The following LCORL variants were observed in gnomAD, a reference collection of about 807,000 sequenced individuals.
The protein encoded by LCORL is ligand dependent nuclear receptor corepressor like.
Under a neutral mutation model 141.8 loss-of-function variants are expected in LCORL, and 41 were observed. The observed-to-expected ratio is 0.29, with a 90% CI of 0.23 to 0.38. The LOEUF (loss-of-function observed/expected upper bound fraction) is 0.38. LCORL is among the 10% of genes least tolerant of loss of function. LCORL has a pLI of 1.00. For missense variants in LCORL, 1,759 were observed against 2,035.0 expected (o/e 0.86, Z 2.61); for synonymous variants, 618 against 694.1 (o/e 0.89, Z 1.72).
intron 5 of LCORL, among the ~76,000 whole-genome samples, chr4:17,889,304 T>A (rs1728739526): frequency 6.6e-6 from 1 of 152,110 alleles, no homozygotes; most frequent in Non-Finnish European, 1.5e-5. Flanking sequence ...TGCTTTTATC[T>A]CTTCTTCATA....
chr4:17,982,671 C>T (rs1201180228), intron 1 of LCORL, among the ~76,000 whole-genome samples: 8 of 152,086 alleles, frequency 5.3e-5, no homozygotes, highest in African/African-American at 1.9e-4. Context: ...TGGAAATTAA[C>T]CTTTGTCAGA....
Position 18,004,198 on chromosome 4 carries a change from C to T in LCORL, c.154+17400G>A, listed in dbSNP as rs1009211187. Reference sequence around the variant, plus strand: ...TTTCAGTCTATATATACTGACTCCACCTACCACATATACTAAATGAAAATA... The same window carrying T: ...TTTCAGTCTATATATACTGACTCCATCTACCACATATACTAAATGAAAATA... On this transcript the variant is annotated intron_variant, in intron 1 of 7. Coordinates refer to ENST00000635767, the Ensembl canonical transcript of LCORL. Among the ~76,000 whole-genome samples the T allele has an allele frequency of 3.3e-5, 5 of 152,296 alleles. No individual in the cohort carries two copies. The East Asian group carries it at 7.7e-4, about 23-fold the overall frequency.
intron 7 of LCORL, among the ~76,000 whole-genome samples, chr4:17,863,014 C>T (rs1291985995): frequency 1.3e-5 from 2 of 152,142 alleles, no homozygotes; most frequent in Non-Finnish European, 2.9e-5. Flanking sequence ...AAACCAACCA[C>T]ATTAAAAAGT....
intron 4 of LCORL, among the ~76,000 whole-genome samples, chr4:17,954,461 A>G (rs557415890): frequency 3.5e-4 from 54 of 152,356 alleles, no homozygotes; most frequent in Middle Eastern, 6.8e-3. Context: ...GACCACATAG[A>G]GTCCTTGAGA....
chr4:17,981,646 G>A (rs972729164), intron 1 of LCORL, among the ~76,000 whole-genome samples: 1 of 152,028 alleles, frequency 6.6e-6, no homozygotes, highest in Non-Finnish European at 1.5e-5. Context: ...GCTGAAGTGC[G>A]AGGATCACCT....
intron 1 of LCORL, among the ~76,000 whole-genome samples, chr4:18,014,831 G>GT (rs1168165591): frequency 1.3e-5 from 2 of 152,242 alleles, no homozygotes; most frequent in Middle Eastern, 3.4e-3. Context: ...CTCTTATCTA[G>GT]ATTGCATTGT....
chr4:17,949,475 T>C (rs975949732), intron 4 of LCORL, among the ~76,000 whole-genome samples: 12 of 152,114 alleles, frequency 7.9e-5, no homozygotes, highest in African/African-American at 2.7e-4. Flanking sequence ...TAGATAATTG[T>C]GAGAGCCCTG....
At chr4:17,847,427 T>C (rs1477005825) in intron 7 of LCORL, among the ~76,000 whole-genome samples, 1 of 152,174 alleles carries the variant, frequency 6.6e-6, no homozygotes, top group African/African-American at 2.4e-5. Flanking sequence ...TTATATCCTG[T>C]TTTACCACCA....
intron 1 of LCORL, among the ~76,000 whole-genome samples, chr4:17,985,407 T>C (rs1718784688): frequency 6.6e-6 from 1 of 152,154 alleles, no homozygotes; most frequent in South Asian, 2.1e-4. Flanking sequence ...TCTAAGTATC[T>C]TAGTAGGTCT....
intron 1 of LCORL, among the ~76,000 whole-genome samples, chr4:17,981,638 T>A: frequency 6.6e-6 from 1 of 151,950 alleles, no homozygotes; most frequent in South Asian, 2.1e-4. Flanking sequence ...CTCAGGAGGC[T>A]GAAGTGCGAG....
chr4:17,992,869 A>C (rs1720264913), intron 1 of LCORL, among the ~76,000 whole-genome samples: 2 of 152,262 alleles, frequency 1.3e-5, no homozygotes, highest in South Asian at 4.1e-4. Context: ...TTTGCTATTA[A>C]GCACTGACTC....
At chr4:17,919,576 T>C (rs1733976823) in intron 4 of LCORL, among the ~76,000 whole-genome samples, 1 of 152,238 alleles carries the variant, frequency 6.6e-6, no homozygotes, top group Non-Finnish European at 1.5e-5. Flanking sequence ...AAAAGTTATG[T>C]TTACACTATA....
At chr4:17,980,840 T>C (rs1215825779) in intron 1 of LCORL, among the ~76,000 whole-genome samples, 2 of 152,098 alleles carry the variant, frequency 1.3e-5, no homozygotes, top group African/African-American at 4.8e-5. Flanking sequence ...TGAGCCCTAT[T>C]ATCAACTGTA....
chr4:17,863,200 C>T (rs538155514), intron 7 of LCORL, among the ~76,000 whole-genome samples: 2 of 152,252 alleles, frequency 1.3e-5, no homozygotes, highest in Admixed American at 1.3e-4. Context: ...CCTGTAATCC[C>T]AGCTACTTGG....
chr4:17,871,002 T>C (rs1726278675), intron 7 of LCORL, among the ~76,000 whole-genome samples: 2 of 152,124 alleles, frequency 1.3e-5, no homozygotes, highest in Non-Finnish European at 2.9e-5. Context: ...TACACTGCCT[T>C]AGAAATTTTT....
In LCORL at chr4:18,021,119, AC is replaced by A. The variant is rs1233698582; in HGVS notation, c.154+478del. Among the ~76,000 whole-genome samples, 1 of 150,834 alleles carries A rather than the reference AC, an allele frequency of 6.6e-6. No homozygotes were observed. The highest frequency in any genetic ancestry group is 1.5e-5 in the Non-Finnish European group (1 of 67,542). On this transcript the variant is annotated intron_variant, in intron 1 of 7. Transcript: ENST00000635767. This position sits in a 1 kb window ranked among gnomAD's most constrained non-coding sequence, Gnocchi z 5.5. The stretch of plus-strand genomic sequence containing the variant: ...CCCCGGGAACTGGCCGCGTCTGCTC[AC>A]CCGGCCCCCGGCGGCGACAAGGGGG...
chr4:17,973,399 T>G (rs1016825509), intron 1 of LCORL, among the ~76,000 whole-genome samples: 6 of 152,004 alleles, frequency 3.9e-5, no homozygotes, highest in African/African-American at 1.4e-4. Flanking sequence ...GTCATTGCTA[T>G]AGACTGCCCT....
At chr4:18,005,798 G>C (rs1287056140) in intron 1 of LCORL, among the ~76,000 whole-genome samples, 1 of 152,150 alleles carries the variant, frequency 6.6e-6, no homozygotes, top group East Asian at 1.9e-4. Flanking sequence ...ACTGCACAGA[G>C]CACAGAGACC....
chr4:17,878,013 G>T (rs968542757), exon 7 of LCORL: 2 of 1,230,378 alleles, frequency 1.6e-6, no homozygotes, highest in East Asian at 6.3e-5. Flanking sequence ...TTCGATTAAG[G>T]GCTTTTGAGA....
Sources: gnomAD v4.1 joint callset for allele counts (sites outside exome capture counted in the v4.1 genomes callset) on GRCh38, gnomAD v4.1.1 for gene constraint, Gnocchi (gnomAD v3.1) non-coding constraint, MANE v1.5 for transcripts, NCBI Gene and HGNC (gene_info 2026-07-23, HGNC 2026-07-21) for gene names.